The following ATRNL1 variants were observed in gnomAD, a reference collection of about 807,000 sequenced individuals.
ATRNL1 encodes the protein attractin like 1, also known as attractin-like protein 1.
A neutral mutation model predicts 182.7 loss-of-function variants in ATRNL1; 95 were observed. The ratio of observed to expected loss-of-function variants is 0.52; its 90% confidence interval spans 0.44 to 0.62. The LOEUF is 0.62. ATRNL1 is among the 20% of genes least tolerant of loss of function. ATRNL1 has a pLI of 0.00. For missense variants in ATRNL1, 1,471 were observed against 1,679.5 expected, an observed-to-expected ratio of 0.88 and a Z score of 2.17; for synonymous variants, 576 against 568.3, an observed-to-expected ratio of 1.01 and a Z score of -0.19.
intron 26 of ATRNL1, among the ~76,000 whole-genome samples, chr10:115,575,019 T>C (rs1193925122): frequency 1.3e-5 from 2 of 152,210 alleles, no homozygotes; most frequent in South Asian, 2.1e-4. Context: ...ATAGATATTT[T>C]AAAATAGAAT....
intron 20 of ATRNL1, among the ~76,000 whole-genome samples, chr10:115,403,235 T>C (rs890465735): frequency 9.3e-5 from 14 of 150,172 alleles, no homozygotes; most frequent in Non-Finnish European, 2.1e-4. Flanking sequence ...CTTGGATCTT[T>C]ATTTTTCCTA....
rs189087698 is a variant in ATRNL1, at chr10:115,635,098, A to G, written c.3795+85562A>G. ...TGGAGTAGGCAAAGTTTTCTAAATG[A>G]GACTTTTCAAATCATTAATCATAAA... On this transcript the variant is annotated intron_variant, in intron 26 of 28. Transcript: ENST00000355044. Among the ~76,000 whole-genome samples, 25 of 152,274 alleles carry G rather than the reference A, an allele frequency of 1.6e-4. No individual in the cohort carries two copies. The East Asian group carries it at 4.2e-3, about 26-fold the overall frequency.
chr10:115,479,167 G>C (rs1379251486), intron 24 of ATRNL1, among the ~76,000 whole-genome samples: 1 of 151,316 alleles, frequency 6.6e-6, no homozygotes, highest in Non-Finnish European at 1.5e-5. Flanking sequence ...AGGATTTTTG[G>C]TATTTACTTG....
intron 24 of ATRNL1, among the ~76,000 whole-genome samples, chr10:115,483,315 A>G (rs1013233126): frequency 2.6e-5 from 4 of 151,446 alleles, no homozygotes; most frequent in Non-Finnish European, 5.9e-5. Context: ...ACGCTGGGAA[A>G]AAAATTGTTT....
chr10:115,202,484 G>A (rs1393461578), intron 8 of ATRNL1, among the ~76,000 whole-genome samples: 6 of 152,192 alleles, frequency 3.9e-5, no homozygotes, highest in African/African-American at 1.4e-4. Context: ...CATCTATTGA[G>A]ATAATCATGT....
intron 24 of ATRNL1, among the ~76,000 whole-genome samples, chr10:115,489,651 G>A (rs1347528003): frequency 6.6e-6 from 1 of 152,154 alleles, no homozygotes; most frequent in Admixed American, 6.5e-5. Context: ...CCTGAATACA[G>A]CACACTGATG....
chr10:115,719,293 A>G (rs1555057151), intron 26 of ATRNL1, among the ~76,000 whole-genome samples: 1 of 152,208 alleles, frequency 6.6e-6, no homozygotes, highest in African/African-American at 2.4e-5. Context: ...TGAAGTACAG[A>G]ACTTCATTTC....
Position 115,109,532 on chromosome 10 carries a change from G to A in ATRNL1, c.294-10653G>A, listed in dbSNP as rs1194031626. ...ATAACAGCATTAATCCATTCATGAG[G>A]GCTATGCTCTCATGGCCTAATCATC... On this transcript the variant is annotated intron_variant, in intron 1 of 28. Coordinates refer to ENST00000355044, the MANE Select transcript of ATRNL1 (RefSeq NM_207303.4). Among the ~76,000 whole-genome samples the A allele has an allele frequency of 2.0e-5, 3 of 152,214 alleles. No homozygotes were observed. The East Asian group carries it at 5.8e-4, about 29-fold the overall frequency.
intron 8 of ATRNL1, among the ~76,000 whole-genome samples, chr10:115,193,989 T>TTAC (rs1241630638): frequency 6.6e-6 from 1 of 152,026 alleles, no homozygotes; most frequent in East Asian, 1.9e-4. Flanking sequence ...TTCCATGAGT[T>TTAC]TGTATAGTTT....
intron 26 of ATRNL1, among the ~76,000 whole-genome samples, chr10:115,619,339 GC>G (rs1857600393): frequency 1.3e-5 from 2 of 152,184 alleles, no homozygotes; most frequent in Admixed American, 6.5e-5. Flanking sequence ...TCCACTGTGA[GC>G]CCTGTGCAGG....
chr10:115,906,531 A>T (rs1404568309), intron 28 of ATRNL1, among the ~76,000 whole-genome samples: 1 of 152,202 alleles, frequency 6.6e-6, no homozygotes, highest in Non-Finnish European at 1.5e-5. Context: ...ACAGTAGATT[A>T]TACAGGCCTA....
chr10:115,252,475 G>C (rs782445394), intron 10 of ATRNL1, among the ~76,000 whole-genome samples: 5 of 152,324 alleles, frequency 3.3e-5, no homozygotes, highest in Non-Finnish European at 5.9e-5. Flanking sequence ...CTGCGCCACA[G>C]GTCATGCTGG....
chr10:115,827,187 C>A (rs1390916458), intron 27 of ATRNL1, among the ~76,000 whole-genome samples: 2 of 152,124 alleles, frequency 1.3e-5, no homozygotes, highest in African/African-American at 4.8e-5. Context: ...ACAGAGGGAG[C>A]CTCCAACGTC....
At chr10:115,329,962 T>A (rs1564921080) in intron 18 of ATRNL1, among the ~76,000 whole-genome samples, 1 of 152,126 alleles carries the variant, frequency 6.6e-6, no homozygotes, top group Non-Finnish European at 1.5e-5. Context: ...TTCTTTCTTC[T>A]CTTACTGCCT....
intron 2 of ATRNL1, 83 bp from the exon 3 acceptor site, chr10:115,121,616 A>C (rs1282744073): frequency 4.2e-6 from 2 of 471,376 alleles, no homozygotes; most frequent in Non-Finnish European, 7.1e-6. Context: ...TGTGCTTTGT[A>C]TATTATATAA....
chr10:115,844,957 TG>T (rs1950894984), intron 27 of ATRNL1, among the ~76,000 whole-genome samples: 1 of 152,062 alleles, frequency 6.6e-6, no homozygotes, highest in Non-Finnish European at 1.5e-5. Context: ...TTATCATTTG[TG>T]GGGTTTTGCT....
chr10:115,210,433 C>A (rs1369552171), intron 8 of ATRNL1, among the ~76,000 whole-genome samples: 1 of 151,800 alleles, frequency 6.6e-6, no homozygotes, highest in Non-Finnish European at 1.5e-5. Context: ...CAGAGTAGTT[C>A]TTCACCCCAA....
chr10:115,604,715 CTTTA>C (rs1856786373), intron 26 of ATRNL1, among the ~76,000 whole-genome samples: 1 of 152,102 alleles, frequency 6.6e-6, no homozygotes. Flanking sequence ...TTTTGACTCA[CTTTA>C]TTTGTTTCCC....
Position 115,581,990 on chromosome 10 carries a change from C to T in ATRNL1, c.3795+32454C>T, listed in dbSNP as rs570856876. Reference sequence around the variant, plus strand: ...ATTCCCACCTATGAGTGAGAATATGCGGTGTTTGGTTTTTTGTTCTTGCGA... The same window carrying T: ...ATTCCCACCTATGAGTGAGAATATGTGGTGTTTGGTTTTTTGTTCTTGCGA... On this transcript the variant is annotated intron_variant, in intron 26 of 28. Coordinates refer to ENST00000355044, the MANE Select transcript of ATRNL1 (RefSeq NM_207303.4). Among the ~76,000 whole-genome samples, 1,035 of 146,592 alleles carry T rather than the reference C, an allele frequency of 7.1e-3. 5 individuals are homozygous for T. Among genetic ancestry groups the T allele is most frequent in the Non-Finnish European group, 0.012 (827 of 67,130 alleles).
Sources: gnomAD v4.1 joint callset for allele counts (sites outside exome capture counted in the v4.1 genomes callset) on GRCh38, gnomAD v4.1.1 for gene constraint, MANE v1.5 for transcripts, NCBI Gene and HGNC (gene_info 2026-07-23, HGNC 2026-07-21) for gene names.